RALY: variants seen among roughly 807,000 people sequenced by gnomAD.
RALY encodes the protein RALY heterogeneous nuclear ribonucleoprotein.
RALY carries 15 observed loss-of-function variants against 30.7 expected under a neutral mutation model. That is an observed-to-expected ratio of 0.49 (90% CI 0.33 to 0.75). The LOEUF (loss-of-function observed/expected upper bound fraction) is 0.75. Among genes scored for constraint, RALY ranks in the 30% least tolerant of loss-of-function variants. RALY has a pLI of 0.02. For missense variants in RALY, 339 were observed against 414.3 expected, an observed-to-expected ratio of 0.82 and a Z score of 1.58; for synonymous variants, 177 against 170.8, an observed-to-expected ratio of 1.04 and a Z score of -0.28.
At chr20:33,994,917 A>C (rs2030533184) in intron 1 of RALY, among the ~76,000 whole-genome samples, 1 of 152,130 alleles carries the variant, frequency 6.6e-6, no homozygotes, top group Non-Finnish European at 1.5e-5. Flanking sequence ...GTTTATCCTC[A>C]TTTACAAAAG....
intron 1 of RALY, among the ~76,000 whole-genome samples, chr20:33,994,647 G>A (rs989353507): frequency 6.6e-6 from 1 of 152,154 alleles, no homozygotes; most frequent in Non-Finnish European, 1.5e-5. Context: ...TGCACGCCTT[G>A]GGCTCGGAGA....
At chr20:33,996,083 T>C (rs1303216836) in intron 1 of RALY, among the ~76,000 whole-genome samples, 5 of 152,386 alleles carry the variant, frequency 3.3e-5, no homozygotes, top group Admixed American at 3.3e-4. Context: ...TACTCTTCCA[T>C]AACCATTATC....
At chr20:34,023,423 A>G (rs996891564) in intron 1 of RALY, among the ~76,000 whole-genome samples, 2 of 152,148 alleles carry the variant, frequency 1.3e-5, no homozygotes, top group Non-Finnish European at 2.9e-5. Flanking sequence ...ACCTAGGTCT[A>G]TCTGCTAATT....
chr20:34,079,043 C>T (rs1280382453), intron 9 of RALY, among the ~76,000 whole-genome samples: 2 of 152,188 alleles, frequency 1.3e-5, no homozygotes, highest in Non-Finnish European at 2.9e-5. Flanking sequence ...CCAAGAGCCT[C>T]CTGTGGCTGC....
chr20:34,064,732 GCTAGGTTCAT>G (rs1170099605), intron 2 of RALY, among the ~76,000 whole-genome samples: 3 of 152,138 alleles, frequency 2.0e-5, no homozygotes, highest in Non-Finnish European at 4.4e-5. Context: ...AGAGTGCCAG[GCTAGGTTCAT>G]CTGTTTTCAT....
intron 7 of RALY, 60 bp downstream of exon 7, chr20:34,076,875 A>G: frequency 6.3e-7 from 1 of 1,595,962 alleles, no homozygotes. Context: ...GAGCATGGGG[A>G]AATAGTACAT....
chr20:34,055,293 A>G (rs1332910704), intron 2 of RALY, among the ~76,000 whole-genome samples: 2 of 152,244 alleles, frequency 1.3e-5, no homozygotes, highest in African/African-American at 4.8e-5. Context: ...AGCAATTAAT[A>G]TAATGATCAT....
At chr20:34,015,501 C>CATTT (rs1211389741) in intron 1 of RALY, among the ~76,000 whole-genome samples, 1 of 152,098 alleles carries the variant, frequency 6.6e-6, no homozygotes, top group African/African-American at 2.4e-5. Context: ...ATGTTTAACT[C>CATTT]CAAATAACAC....
intron 2 of RALY, among the ~76,000 whole-genome samples, chr20:34,057,110 C>T (rs2033268260): frequency 6.6e-6 from 1 of 152,076 alleles, no homozygotes; most frequent in Non-Finnish European, 1.5e-5. Context: ...AACTATGCGG[C>T]AGTAAGGACA....
At chr20:34,042,044 G>A (rs1427499320) in intron 2 of RALY, among the ~76,000 whole-genome samples, 5 of 152,140 alleles carry the variant, frequency 3.3e-5, no homozygotes, top group Admixed American at 6.5e-5. Flanking sequence ...TTGCCATCCC[G>A]GCGGGTGGAG....
intron 1 of RALY, among the ~76,000 whole-genome samples, chr20:34,013,105 C>G (rs2031472677): frequency 6.6e-6 from 1 of 152,062 alleles, no homozygotes; most frequent in Admixed American, 6.6e-5. Flanking sequence ...TTTTGCTCAC[C>G]TGAAGGCTAG....
chr20:34,066,708 A>T (rs1170245602), intron 2 of RALY, among the ~76,000 whole-genome samples: 6 of 125,626 alleles, frequency 4.8e-5, no homozygotes, highest in Non-Finnish European at 6.8e-5. Flanking sequence ...TTTTTTTTTT[A>T]AAGGTATTAA....
At chr20:34,015,314 G>A (rs1415922651) in intron 1 of RALY, among the ~76,000 whole-genome samples, 1 of 150,138 alleles carries the variant, frequency 6.7e-6, no homozygotes, top group Non-Finnish European at 1.5e-5. Context: ...TTTATTTTTT[G>A]TTTCTTCTCA....
At chr20:34,075,151 C>T (rs576242721) in intron 5 of RALY, among the ~76,000 whole-genome samples, 1 of 151,954 alleles carries the variant, frequency 6.6e-6, no homozygotes, top group Non-Finnish European at 1.5e-5. Context: ...ATTGAGCTGC[C>T]CAACCTTGAT....
At position 34,075,968 on chromosome 20, in the gene RALY, G is replaced by T. The variant is rs762869931; in HGVS notation, c.472G>T (p.Val158Phe). Residue 158 changes from valine to phenylalanine, a missense_variant, in exon 6 of 10, where the codon GTC becomes TTC. Transcript: ENST00000246194. ...PRVTVPLVRRVKTNVPVKLFA... is the reference protein window; with the variant it reads ...PRVTVPLVRRFKTNVPVKLFA... ...GGTCACAGTCCCTTTGGTCCGGCGT[G>T]TCAAAACTAACGTACCTGTCAAGCT... The T allele has an allele frequency of 6.2e-7, 1 of 1,614,228 alleles. No individual in the cohort carries two copies. Among genetic ancestry groups the T allele is most frequent in the Non-Finnish European group, 8.5e-7 (1 of 1,180,042 alleles).
In RALY at chr20:34,075,860, A is replaced by G. The variant is rs1439467533; in HGVS notation, c.378-14A>G. 4.4e-6 allele frequency: 7 copies of G among 1,608,596 alleles called. No homozygotes were observed. The highest frequency in any genetic ancestry group is 1.1e-5 in the South Asian group (1 of 90,754). Reference sequence around the variant, plus strand: ...CAAGCCATGCTGCAGCCTCTGGCCCATCTGCCCTCACAGGCTCTTCGACTA... The same window carrying G: ...CAAGCCATGCTGCAGCCTCTGGCCCGTCTGCCCTCACAGGCTCTTCGACTA... On this transcript the variant is annotated splice_polypyrimidine_tract_variant and intron_variant, in intron 5 of 9. Transcript: ENST00000246194.
rs547377686 is a variant in RALY at position 34,004,827 on chromosome 20, A to G, written c.-93+10696A>G. 1.0e-3 allele frequency among the ~76,000 whole-genome samples: 155 copies of G among 152,292 alleles called. 2 individuals carry two copies. Among genetic ancestry groups the G allele is most frequent in the Middle Eastern group, 6.8e-3 (2 of 294 alleles). ...GAACTTAGTCTCTCAGAGCTCATCT[A>G]TTAGTTGTATATTTGCTCAGGGAAA... On this transcript the variant is annotated intron_variant, in intron 1 of 9. Transcript: ENST00000246194.
At chr20:34,000,969 C>A (rs1458822346) in intron 1 of RALY, among the ~76,000 whole-genome samples, 4 of 152,152 alleles carry the variant, frequency 2.6e-5, no homozygotes, top group Non-Finnish European at 5.9e-5. Context: ...GTGGAAGTGG[C>A]TTGAGAATTT....
At position 34,072,301 on chromosome 20, in the gene RALY, A is replaced by G; in HGVS notation, c.227A>G (p.Asn76Ser). 2 of 1,613,668 alleles carry G rather than the reference A, an allele frequency of 1.2e-6. No individual in the cohort carries two copies. Among genetic ancestry groups the G allele is most frequent in the Non-Finnish European group, 8.5e-7 (1 of 1,180,022 alleles). The stretch of plus-strand genomic sequence containing the variant: ...GCCCGGGCAGCTGTGCTGGGAGAGA[A>G]TGGGCGGGTGCTGGCCGGGCAGACC... The part of the protein sequence containing the change: ...RHARAAVLGE[N>S]GRVLAGQTLD... Residue 76 changes from asparagine to serine, a missense_variant, in exon 3 of 10, where the codon AAT (asparagine) becomes AGT (serine). Transcript: ENST00000246194.
Sources: gnomAD v4.1 joint callset for allele counts (sites outside exome capture counted in the v4.1 genomes callset) on GRCh38, gnomAD v4.1.1 for gene constraint, MANE v1.5 for transcripts, NCBI Gene and HGNC (gene_info 2026-07-23, HGNC 2026-07-21) for gene names.